CLIP1: variants seen among roughly 807,000 people sequenced by gnomAD.
CLIP1 encodes the protein CAP-Gly domain-containing linker protein 1.
A neutral mutation model predicts 161.6 loss-of-function variants in CLIP1; 66 were observed. The ratio of observed to expected loss-of-function variants is 0.41; its 90% confidence interval spans 0.33 to 0.50. CLIP1 has a LOEUF of 0.50. Ranked by LOEUF, CLIP1 falls within the 20% of genes least tolerant of loss-of-function variation. The probability of loss-of-function intolerance (pLI) is 0.27; values close to 1 mark genes in which losing one functional copy is unlikely to be tolerated. For synonymous variants in CLIP1, 598 were observed against 626.2 expected (o/e 0.96, Z 0.67); for missense variants, 1,376 against 1,702.0 (o/e 0.81, Z 3.37).
chr12:122,365,646 A>G, intron 3 of CLIP1: 1 of 789,284 alleles, frequency 1.3e-6, no homozygotes, highest in Non-Finnish European at 2.2e-6. Flanking sequence ...ATGTTAAAAA[A>G]TAAAATAAAA....
chr12:122,419,535 G>A (rs980744254), intron 1 of CLIP1, among the ~76,000 whole-genome samples: 1 of 152,046 alleles, frequency 6.6e-6, no homozygotes, highest in Admixed American at 6.6e-5. Context: ...CAGGTGCCCA[G>A]TATGTGAAAG....
intron 24 of CLIP1, chr12:122,275,170 A>G (rs1166600950): frequency 1.3e-5 from 2 of 152,100 alleles, no homozygotes; most frequent in African/African-American, 4.8e-5. Context: ...CTAAACATCT[A>G]AATCTGTGGG....
At chr12:122,351,434 T>C (rs575545873) in intron 8 of CLIP1, among the ~76,000 whole-genome samples, 2 of 152,234 alleles carry the variant, frequency 1.3e-5, no homozygotes, top group Non-Finnish European at 2.9e-5. Context: ...AATGTGGCTG[T>C]ATATGAAATG....
chr12:122,328,044 A>G lies in CLIP1; in HGVS notation c.3152T>C (p.Leu1051Pro). ...EEILQNLQKT[L>P]LDTEDKLKGA... is the part of the protein sequence containing the mutation. ...CTTCAGCTTGTCCTCTGTGTCCAGC[A>G]GCGTCTTCTGGAGGTTCTGTAGGAT... Residue 1051 changes from leucine to proline, a missense_variant, in exon 17 of 26, where the codon CTG (leucine) becomes CCG (proline). Physicochemically the swap from Leu to Pro is moderately conservative, Grantham distance 98 (BLOSUM62 -3). Around this residue, in one of 6 missense-constraint regions of CLIP1, gnomAD observed 948 missense variants for 1,134.8 expected, o/e 0.84. Coordinates refer to ENST00000620786, the MANE Select transcript of CLIP1 (RefSeq NM_001247997.2). 1 of 1,614,158 alleles carries G rather than the reference A, an allele frequency of 6.2e-7. No individual in the cohort carries two copies. Among genetic ancestry groups the G allele is most frequent in the South Asian group, 1.1e-5 (1 of 91,086 alleles).
rs1950236884 is a variant in CLIP1 at position 122,291,222 on chromosome 12, C to T, written c.3595-2681G>A. 3.3e-5 allele frequency among the ~76,000 whole-genome samples: 5 copies of T among 150,642 alleles called. No individual in the cohort carries two copies. In the Admixed American group the frequency reaches 3.3e-4, roughly 10 times the overall value. The stretch of plus-strand genomic sequence containing the variant: ...TCTTTTTTTTTGAGACAGAGTCTCA[C>T]TCTGTCACCTAGGCTGGAGTGCAGT... On this transcript the variant is annotated intron_variant, in intron 20 of 25. Transcript: ENST00000620786.
At chr12:122,412,939 C>G (rs1449808875) in intron 1 of CLIP1, among the ~76,000 whole-genome samples, 1 of 152,104 alleles carries the variant, frequency 6.6e-6, no homozygotes, top group African/African-American at 2.4e-5. Flanking sequence ...CTCAAGATGA[C>G]AACCTAAGCA....
chr12:122,350,597 C>A (rs553335225), intron 9 of CLIP1, among the ~76,000 whole-genome samples: 1 of 152,158 alleles, frequency 6.6e-6, no homozygotes, highest in East Asian at 1.9e-4. Context: ...CTGGCAGGCA[C>A]TGGCCAGTGG....
intron 19 of CLIP1, among the ~76,000 whole-genome samples, chr12:122,313,827 G>A (rs1409984992): frequency 1.3e-5 from 2 of 152,104 alleles, no homozygotes; most frequent in Non-Finnish European, 2.9e-5. Flanking sequence ...AACATTAAAG[G>A]TGATCTCACT....
chr12:122,366,306 C>CAAAA (rs11458072), intron 3 of CLIP1, among the ~76,000 whole-genome samples: 2 of 139,348 alleles, frequency 1.4e-5, no homozygotes, highest in Non-Finnish European at 3.1e-5. Flanking sequence ...GACTCTGTCT[C>CAAAA]AAAAAAAAAA....
intron 5 of CLIP1, among the ~76,000 whole-genome samples, chr12:122,357,552 G>A (rs2136520522): frequency 9.2e-6 from 1 of 108,360 alleles, no homozygotes; most frequent in African/African-American, 3.7e-5. Context: ...GTCCGGGAGG[G>A]AGGTGGGGGG....
chr12:122,336,532 G>C, intron 12 of CLIP1, 100 bp downstream of exon 12: 1 of 675,430 alleles, frequency 1.5e-6, no homozygotes, highest in South Asian at 1.8e-5. Flanking sequence ...TCAACACTTA[G>C]AAAGAGAAAG....
chr12:122,304,122 G>A (rs925484112), intron 20 of CLIP1, among the ~76,000 whole-genome samples: 1 of 152,176 alleles, frequency 6.6e-6, no homozygotes, highest in Admixed American at 6.5e-5. Context: ...TTTTCCCACC[G>A]TTGGTAAAAT....
chr12:122,389,844 T>C (rs1955516010), intron 1 of CLIP1, among the ~76,000 whole-genome samples: 1 of 147,370 alleles, frequency 6.8e-6, no homozygotes, highest in Non-Finnish European at 1.5e-5. Flanking sequence ...CTAAATCTCA[T>C]GTTGAACTGT....
rs567892420 is a variant in CLIP1 at position 122,319,941 on chromosome 12, G to A, written c.3250-593C>T. On this transcript the variant is annotated intron_variant, in intron 17 of 25. Transcript: ENST00000620786. ...CTGTGAATAAAAAGATGCATATGGA[G>A]ACAAATTCTTAGCTGTTAACTATCA... Among the ~76,000 whole-genome samples the A allele has an allele frequency of 2.6e-5, 4 of 152,268 alleles. No individual in the cohort carries two copies. In the South Asian group the frequency reaches 8.3e-4, roughly 32 times the overall value.
At chr12:122,394,577 T>C (rs1322012655) in intron 1 of CLIP1, among the ~76,000 whole-genome samples, 1 of 151,686 alleles carries the variant, frequency 6.6e-6, no homozygotes, top group East Asian at 1.9e-4. Flanking sequence ...TTTTCTAAGT[T>C]TTTATTTACT....
At chr12:122,385,345 G>A (rs1266310244) in intron 1 of CLIP1, among the ~76,000 whole-genome samples, 1 of 152,152 alleles carries the variant, frequency 6.6e-6, no homozygotes, top group African/African-American at 2.4e-5. Flanking sequence ...AGGAGTGACG[G>A]CAACGGATGA....
chr12:122,374,428 G>A (rs753328218), intron 3 of CLIP1, among the ~76,000 whole-genome samples: 48 of 151,468 alleles, frequency 3.2e-4, no homozygotes, highest in Non-Finnish European at 5.7e-4. Context: ...AGACCATCCT[G>A]GCTAACATGG....
intron 1 of CLIP1, among the ~76,000 whole-genome samples, chr12:122,407,286 ATACT>A (rs200402123): frequency 0.02 from 3,068 of 152,326 alleles, 70 homozygotes; most frequent in African/African-American, 0.05. Flanking sequence ...TGTCAAGGTC[ATACT>A]TACTTAACAG....
intron 4 of CLIP1, among the ~76,000 whole-genome samples, chr12:122,361,847 A>T (rs1453208256): frequency 1.3e-5 from 2 of 152,102 alleles, no homozygotes; most frequent in African/African-American, 2.4e-5. Flanking sequence ...ACAAATAAAA[A>T]ACTCAAGTGA....
Sources: allele counts gnomAD v4.1 joint callset (sites outside exome capture counted in the v4.1 genomes callset), GRCh38; gene constraint gnomAD v4.1.1; regional missense constraint gnomAD v4.1.1; transcripts MANE v1.5; gene names NCBI Gene and HGNC (gene_info 2026-07-23, HGNC 2026-07-21).